RBFOX3: variants seen among roughly 807,000 people sequenced by gnomAD.
RBFOX3 encodes RNA binding protein fox-1 homolog 3.
Under a neutral mutation model 48.7 loss-of-function variants are expected in RBFOX3, and 17 were observed. The observed-to-expected ratio is 0.35, with a 90% CI of 0.24 to 0.52. The LOEUF is 0.52. RBFOX3 is among the 20% of genes least tolerant of loss of function. RBFOX3 has a pLI of 0.94. For synonymous variants in RBFOX3, 212 were observed against 209.5 expected (o/e 1.01, Z -0.10); for missense variants, 382 against 497.5 (o/e 0.77, Z 2.21).
intron 4 of RBFOX3, among the ~76,000 whole-genome samples, chr17:79,128,140 G>C (rs1454320990): frequency 7.9e-5 from 12 of 152,232 alleles, no homozygotes; most frequent in Admixed American, 7.2e-4. Context: ...CTAAATTGGA[G>C]ATGCATGATT....
the RBFOX3 span, among the ~76,000 whole-genome samples, chr17:79,641,500 A>T: frequency 4.6e-5 from 7 of 152,206 alleles, no homozygotes; most frequent in African/African-American, 1.7e-4. Context: ...CTGCACCCCC[A>T]TGTTTATTGC....
chr17:79,345,359 T>C (rs1396780003), intron 2 of RBFOX3, among the ~76,000 whole-genome samples: 1 of 152,236 alleles, frequency 6.6e-6, no homozygotes, highest in Non-Finnish European at 1.5e-5. Context: ...TTGTTTATCC[T>C]TGTTGGTCTT....
At chr17:79,268,930 G>A (rs1020252979) in intron 3 of RBFOX3, among the ~76,000 whole-genome samples, 1 of 152,166 alleles carries the variant, frequency 6.6e-6, no homozygotes, top group Admixed American at 6.5e-5. Flanking sequence ...GTCTTCACAC[G>A]CCTCCTTGTC....
intron 4 of RBFOX3, among the ~76,000 whole-genome samples, chr17:79,139,573 G>A (rs2041475948): frequency 1.3e-5 from 2 of 152,244 alleles, no homozygotes; most frequent in Non-Finnish European, 1.5e-5. Flanking sequence ...GAACTGGGCA[G>A]GCAGGGTCAC....
chr17:79,645,477 T>G, the RBFOX3 span, among the ~76,000 whole-genome samples: 1 of 152,334 alleles, frequency 6.6e-6, no homozygotes, highest in East Asian at 1.9e-4. Context: ...TTCAAGATGA[T>G]GCTGAATGTC....
At chr17:79,614,665 C>A (rs1279680319), upstream of RBFOX3, among the ~76,000 whole-genome samples, 2 of 152,252 alleles carry the variant, frequency 1.3e-5, no homozygotes, top group Non-Finnish European at 2.9e-5. Flanking sequence ...GATACCGCAT[C>A]CATGAACCAA....
At chr17:79,511,161 A>C (rs2084123464) in intron 1 of RBFOX3, among the ~76,000 whole-genome samples, 1 of 152,118 alleles carries the variant, frequency 6.6e-6, no homozygotes, top group Non-Finnish European at 1.5e-5. Flanking sequence ...GGGAGCCTCC[A>C]CCTGGGCTGT....
At chr17:79,239,474 GT>G (rs1567898075) in intron 3 of RBFOX3, among the ~76,000 whole-genome samples, 1 of 152,222 alleles carries the variant, frequency 6.6e-6, no homozygotes, top group African/African-American at 2.4e-5. Context: ...TGCACATGCA[GT>G]CACACCCTTC....
intron 4 of RBFOX3, among the ~76,000 whole-genome samples, chr17:79,134,660 G>A (rs1374389521): frequency 6.6e-6 from 1 of 152,240 alleles, no homozygotes; most frequent in Non-Finnish European, 1.5e-5. Flanking sequence ...GCTGTCCCAG[G>A]GAGGGGGTCC....
Position 79,390,816 on chromosome 17 carries a change from G to A in RBFOX3, c.-174-82992C>T, listed in dbSNP as rs573678977. Among the ~76,000 whole-genome samples the A allele has an allele frequency of 1.7e-4, 26 of 152,282 alleles. No individual in the cohort carries two copies. Among genetic ancestry groups the A allele is most frequent in the African/African-American group, 5.8e-4 (24 of 41,570 alleles). On this transcript the variant is annotated intron_variant, in intron 2 of 14. Transcript: ENST00000693108. The surrounding 1 kb of genome is among the most constrained non-coding windows in gnomAD (Gnocchi z 4.2). ...CAGTGGGAAACTGGAGGAGCGCATG[G>A]AGCATCTGAGAGTTGAGGCAGCGGA...
intron 3 of RBFOX3, among the ~76,000 whole-genome samples, chr17:79,267,444 A>G (rs1351713566): frequency 2.0e-5 from 3 of 151,794 alleles, no homozygotes; most frequent in East Asian, 1.9e-4. Flanking sequence ...AGGCTGGAGT[A>G]CAGTGGCGCG....
intron 3 of RBFOX3, among the ~76,000 whole-genome samples, chr17:79,274,464 C>T (rs961094938): frequency 6.6e-6 from 1 of 152,172 alleles, no homozygotes; most frequent in African/African-American, 2.4e-5. Flanking sequence ...CACTCAGGCG[C>T]GAGGGAACTC....
intron 1 of RBFOX3, among the ~76,000 whole-genome samples, chr17:79,527,338 G>C (rs2086933908): frequency 1.3e-5 from 2 of 152,186 alleles, no homozygotes; most frequent in Admixed American, 1.3e-4. Context: ...GAGAAGAAAA[G>C]CCAGGTCTTT....
the RBFOX3 span, among the ~76,000 whole-genome samples, chr17:79,624,270 C>G: frequency 1.3e-5 from 2 of 152,134 alleles, no homozygotes; most frequent in African/African-American, 4.8e-5. Flanking sequence ...CGAGACCCGT[C>G]AGCTCCCGGA....
At chr17:79,383,216 G>C (rs2060155592) in intron 2 of RBFOX3, among the ~76,000 whole-genome samples, 1 of 152,208 alleles carries the variant, frequency 6.6e-6, no homozygotes, top group African/African-American at 2.4e-5. Context: ...CACACAGCCT[G>C]CCTGGGGGCT....
intron 1 of RBFOX3, among the ~76,000 whole-genome samples, chr17:79,573,250 A>G (rs957057433): frequency 3.3e-5 from 5 of 152,212 alleles, no homozygotes; most frequent in African/African-American, 9.6e-5. Flanking sequence ...CCTGAGACAG[A>G]TGAAAAGGAG....
chr17:79,101,601 C>T lies in RBFOX3; in HGVS notation c.551G>A (p.Gly184Glu). 1.3e-6 allele frequency: 2 copies of T among 1,551,288 alleles called. No homozygotes were observed. Among genetic ancestry groups the T allele is most frequent in the Non-Finnish European group, 8.7e-7 (1 of 1,146,930 alleles). ...CCCCTTACCGTTGGTGTAGGGGTTC[C>T]CCGTCTTCTTGTTGGTCATCACTCG... ...TARVMTNKKTGNPYTNGWKLN... is the reference protein window; with the variant it reads ...TARVMTNKKTENPYTNGWKLN... The change falls in exon 9 of 15, where the codon GGG becomes GAG. Residue 184 changes from glycine to glutamate, a missense_variant. Coordinates refer to ENST00000693108, the MANE Select transcript of RBFOX3 (RefSeq NM_001350451.2).
intron 7 of RBFOX3, 29 bp downstream of exon 7, chr17:79,104,044 G>A: frequency 6.5e-7 from 1 of 1,544,180 alleles, no homozygotes; most frequent in Non-Finnish European, 8.8e-7. Context: ...AGCCGGCGCT[G>A]TAAGGCGGCA....
chr17:79,140,829 T>C (rs1456975111), intron 4 of RBFOX3, among the ~76,000 whole-genome samples: 1 of 152,246 alleles, frequency 6.6e-6, no homozygotes, highest in Non-Finnish European at 1.5e-5. Flanking sequence ...TTCTTTTTTT[T>C]GCCAAAGACC....
Sources: gnomAD v4.1 joint callset for allele counts (sites outside exome capture counted in the v4.1 genomes callset) on GRCh38, gnomAD v4.1.1 for gene constraint, Gnocchi (gnomAD v3.1) non-coding constraint, MANE v1.5 for transcripts, NCBI Gene and HGNC (gene_info 2026-07-23, HGNC 2026-07-21) for gene names.